Variants in BBS9 observed in about 807,000 individuals in gnomAD.
BBS9 encodes the protein protein PTHB1.
Under a neutral mutation model 117.7 loss-of-function variants are expected in BBS9, and 89 were observed. The observed-to-expected ratio is 0.76, with a 90% CI of 0.64 to 0.90. The LOEUF (loss-of-function observed/expected upper bound fraction) is 0.90, where lower values mean the gene tolerates loss of function less well. BBS9 is among the 40% of genes least tolerant of loss of function. BBS9 has a pLI of 0.00. For missense variants in BBS9, 982 were observed against 1,042.2 expected (o/e 0.94, Z 0.80); for synonymous variants, 379 against 370.9 (o/e 1.02, Z -0.25).
At chr7:33,146,413 A>G in intron 2 of BBS9, 49 bp downstream of exon 2, 1 of 1,459,224 alleles carries the variant, frequency 6.9e-7, no homozygotes, top group African/African-American at 1.4e-5. Flanking sequence ...TAAAGAGATC[A>G]AATAAGACTG....
intron 9 of BBS9, among the ~76,000 whole-genome samples, chr7:33,305,846 A>T (rs1807808640): frequency 6.6e-6 from 1 of 152,044 alleles, no homozygotes; most frequent in Non-Finnish European, 1.5e-5. Flanking sequence ...CTTTTCAAAA[A>T]AACCAGCTTT....
chr7:33,632,055 GAAGAAATT>G (rs1865915709), intron 21 of BBS9, among the ~76,000 whole-genome samples: 1 of 152,190 alleles, frequency 6.6e-6, no homozygotes, highest in South Asian at 2.1e-4. Context: ...AAACCGTAGG[GAAGAAATT>G]GTTTGCGGGC....
At chr7:33,337,877 A>G (rs1251137071) in intron 10 of BBS9, among the ~76,000 whole-genome samples, 1 of 152,100 alleles carries the variant, frequency 6.6e-6, no homozygotes, top group Admixed American at 6.5e-5. Context: ...TATGGCTTTC[A>G]TTTCAAATTT....
At chr7:33,431,456 G>A (rs1031573885) in intron 19 of BBS9, among the ~76,000 whole-genome samples, 8 of 152,112 alleles carry the variant, frequency 5.3e-5, no homozygotes, top group African/African-American at 1.9e-4. Context: ...GAAACTTAAT[G>A]ACCGATGTAA....
intron 5 of BBS9, among the ~76,000 whole-genome samples, chr7:33,223,270 A>G (rs1418805831): frequency 3.3e-5 from 5 of 152,172 alleles, no homozygotes; most frequent in African/African-American, 9.7e-5. Flanking sequence ...TAATTAACAT[A>G]TCTATCATCT....
At chr7:33,371,188 A>G (rs1822799295) in intron 17 of BBS9, among the ~76,000 whole-genome samples, 1 of 152,212 alleles carries the variant, frequency 6.6e-6, no homozygotes, top group African/African-American at 2.4e-5. Context: ...AGTTCCTTTA[A>G]TAATATCTCT....
rs59609414 is a variant in BBS9 at position 33,134,215 on chromosome 7, ATTTTT to A, written c.-12+4191_-12+4195del. Among the ~76,000 whole-genome samples the A allele has an allele frequency of 8.7e-3, 1,026 of 118,050 alleles. 7 individuals are homozygous for A. Among genetic ancestry groups the A allele is most frequent in the African/African-American group, 0.025 (742 of 29,950 alleles). The allele number at this position is 118,050 out of a possible 152,430, so 77.4% of individuals were successfully genotyped here. A position where few individuals can be genotyped will look rare whatever the true frequency, so the allele number is the denominator to read the frequency against. On this transcript the variant is annotated intron_variant, in intron 1 of 22. Coordinates refer to ENST00000242067, the MANE Select transcript of BBS9 (RefSeq NM_198428.3). ...CAGGCACCTGCCATCACGCCTGGCT[ATTTTT>A]TTTTTTTTTTTTTTTTGTATTTTTA...
intron 12 of BBS9, among the ~76,000 whole-genome samples, chr7:33,348,474 T>A (rs1818013837): frequency 6.6e-6 from 1 of 152,218 alleles, no homozygotes; most frequent in Non-Finnish European, 1.5e-5. Flanking sequence ...TATTCATTCA[T>A]CATGATGGGA....
At chr7:33,166,053 A>G (rs977941636) in intron 4 of BBS9, among the ~76,000 whole-genome samples, 13 of 152,112 alleles carry the variant, frequency 8.5e-5, no homozygotes, top group African/African-American at 2.9e-4. Flanking sequence ...TGTTGATGCT[A>G]TTCCTTTTTG....
chr7:33,368,667 A>C (rs138933826), intron 17 of BBS9, among the ~76,000 whole-genome samples: 2 of 151,986 alleles, frequency 1.3e-5, no homozygotes, highest in Non-Finnish European at 2.9e-5. Flanking sequence ...TTAAAAAAAA[A>C]ACTCTAGTTT....
intron 19 of BBS9, among the ~76,000 whole-genome samples, chr7:33,411,906 A>C (rs1428112467): frequency 2.0e-5 from 3 of 152,178 alleles, no homozygotes; most frequent in Non-Finnish European, 4.4e-5. Flanking sequence ...TGTTTTATAC[A>C]GATAATAATT....
At chr7:33,567,539 C>T (rs979596068) in intron 21 of BBS9, among the ~76,000 whole-genome samples, 5 of 152,134 alleles carry the variant, frequency 3.3e-5, no homozygotes, top group African/African-American at 9.7e-5. Context: ...ATGGGCCTCT[C>T]TTCTCTGCTT....
At chr7:33,174,412 G>A (rs1298658608) in intron 4 of BBS9, among the ~76,000 whole-genome samples, 1 of 152,226 alleles carries the variant, frequency 6.6e-6, no homozygotes, top group East Asian at 1.9e-4. Flanking sequence ...CAATTTGTGA[G>A]TTGGGCAGCC....
chr7:33,302,494 C>T lies in BBS9; in HGVS notation c.1016+28538C>T, dbSNP rs141092159. Among the ~76,000 whole-genome samples the T allele has an allele frequency of 9.4e-3, 1,429 of 152,028 alleles. 9 individuals carry two copies. Among genetic ancestry groups the T allele is most frequent in the African/African-American group, 0.024 (994 of 41,500 alleles). ...GGGGTCTAGTTTCATTTTTTGCATA[C>T]GGATATCTAGGTTTCTCAGCATTAT... is the stretch of plus-strand genomic sequence containing the variant. On this transcript the variant is annotated intron_variant, in intron 9 of 22. Coordinates refer to ENST00000242067, the MANE Select transcript of BBS9 (RefSeq NM_198428.3).
intron 3 of BBS9, among the ~76,000 whole-genome samples, chr7:33,155,264 A>G (rs1793933915): frequency 6.6e-6 from 1 of 152,216 alleles, no homozygotes; most frequent in Non-Finnish European, 1.5e-5. Context: ...TTTCATGAGA[A>G]ATAGGCTCAG....
At chr7:33,609,271 T>C (rs1864745405), downstream of BBS9, among the ~76,000 whole-genome samples, 1 of 152,132 alleles carries the variant, frequency 6.6e-6, no homozygotes, top group South Asian at 2.1e-4. Context: ...ATTGAAATGA[T>C]CTTCATTACC....
At chr7:33,370,691 A>G (rs1429730786) in intron 17 of BBS9, among the ~76,000 whole-genome samples, 8 of 152,178 alleles carry the variant, frequency 5.3e-5, no homozygotes, top group South Asian at 4.1e-4. Context: ...AAATACGTGT[A>G]TATTCTTACG....
chr7:33,288,890 T>C (rs1803437143), intron 9 of BBS9, among the ~76,000 whole-genome samples: 1 of 152,206 alleles, frequency 6.6e-6, no homozygotes, highest in Non-Finnish European at 1.5e-5. Flanking sequence ...TTATAGATGA[T>C]GTAACTGAGG....
Position 33,604,155 on chromosome 7 carries a change from C to G in BBS9, c.2522-710C>G, listed in dbSNP as rs1377780288. 4.6e-5 allele frequency among the ~76,000 whole-genome samples: 7 copies of G among 152,294 alleles called. No homozygotes were observed. In the East Asian group the frequency reaches 1.4e-3, roughly 29 times the overall value. On this transcript the variant is annotated intron_variant, in intron 21 of 22. Transcript: ENST00000242067. ...TTCCAGGAAATGATGGCAAATCAGT[C>G]AAATCAAGTTGCAGATGTAGTCAGG...
Sources: gnomAD v4.1 joint callset for allele counts (sites outside exome capture counted in the v4.1 genomes callset) on GRCh38, gnomAD v4.1.1 for gene constraint, MANE v1.5 for transcripts, NCBI Gene and HGNC (gene_info 2026-07-23, HGNC 2026-07-21) for gene names.